The following PLEKHA2 variants were observed in gnomAD, a reference collection of about 807,000 sequenced individuals.
The protein encoded by PLEKHA2 is pleckstrin homology domain-containing family A member 2.
A neutral mutation model predicts 53.2 loss-of-function variants in PLEKHA2; 28 were observed. The observed-to-expected ratio is 0.53, with a 90% CI of 0.39 to 0.72. The LOEUF (loss-of-function observed/expected upper bound fraction) is 0.72, where lower values mean the gene tolerates loss of function less well. PLEKHA2 is among the 30% of genes least tolerant of loss of function. The pLI, the probability that PLEKHA2 is intolerant of heterozygous loss-of-function variation, is 0.00. For missense variants in PLEKHA2, 426 were observed against 537.9 expected (o/e 0.79, Z 2.06); for synonymous variants, 193 against 196.4 (o/e 0.98, Z 0.14).
intron 5 of PLEKHA2, among the ~76,000 whole-genome samples, chr8:38,948,589 G>A (rs138578791): frequency 1.3e-4 from 20 of 152,300 alleles, no homozygotes; most frequent in Middle Eastern, 3.4e-3. Context: ...TCCAGGAAGA[G>A]AAGGTCTCGT....
chr8:38,958,334 A>G (rs78886205), intron 10 of PLEKHA2, among the ~76,000 whole-genome samples: 1 of 148,256 alleles, frequency 6.7e-6, no homozygotes, highest in Non-Finnish European at 1.5e-5. Context: ...AAAAAAAGGG[A>G]AACAAAAAGA....
intron 2 of PLEKHA2, among the ~76,000 whole-genome samples, chr8:38,926,139 ATTGT>A (rs1209419129): frequency 1.3e-5 from 2 of 152,288 alleles, no homozygotes; most frequent in Admixed American, 1.3e-4. Flanking sequence ...TCTTCAGCAA[ATTGT>A]TTGGGCAAAG....
intron 8 of PLEKHA2, 147 bp from the exon 9 acceptor site, chr8:38,953,150 T>G (rs1026008565): frequency 2.8e-6 from 2 of 717,490 alleles, no homozygotes; most frequent in African/African-American, 3.5e-5. Context: ...CAGATTTTTT[T>G]TTCTCTTGCT....
chr8:38,944,285 C>T (rs577371338), intron 4 of PLEKHA2, among the ~76,000 whole-genome samples: 19 of 152,012 alleles, frequency 1.2e-4, no homozygotes, highest in Admixed American at 2.0e-4. Context: ...GAGGCCGAGG[C>T]GGGCAGATCA....
rs1834895481 is a variant in PLEKHA2, at chr8:38,954,211, AAACAACATGCTGTGTGACCCAAGGGG to A, written c.773+845_773+870del. On this transcript the variant is annotated intron_variant, in intron 9 of 11. Transcript: ENST00000617275. ...TGAAGGCACAAACAGTCTTGCATGA[AAACAACATGCTGTGTGACCCAAGGGG>A]GCAGAGACAGAAGCACTCTCCCGAG... Among the ~76,000 whole-genome samples the A allele has an allele frequency of 1.3e-5, 2 of 152,242 alleles. 1 individual carries two copies. The highest frequency in any genetic ancestry group is 4.8e-5 in the African/African-American group (2 of 41,468).
chr8:38,927,682 A>AT (rs1312240209), intron 2 of PLEKHA2, among the ~76,000 whole-genome samples: 1 of 152,178 alleles, frequency 6.6e-6, no homozygotes, highest in Non-Finnish European at 1.5e-5. Context: ...GGAAACATCC[A>AT]TTTTTTGAGC....
intron 1 of PLEKHA2, among the ~76,000 whole-genome samples, chr8:38,909,223 C>T (rs1588232593): frequency 6.6e-6 from 1 of 151,978 alleles, no homozygotes; most frequent in East Asian, 1.9e-4. Context: ...AATTCTATTG[C>T]AGTTGCCATC....
Position 38,970,376 on chromosome 8 carries a change from A to T in PLEKHA2, c.*593A>T, listed in dbSNP as rs559304629. On this transcript the variant is annotated 3_prime_UTR_variant, in exon 12 of 12. Transcript: ENST00000617275. ...TAGGATGAATTTCCATGCACTTAACATGAAGAGATACAAAAAGAATCTAGA... is the reference window on the plus strand; with the variant it reads ...TAGGATGAATTTCCATGCACTTAACTTGAAGAGATACAAAAAGAATCTAGA... 5.0e-6 allele frequency: 1 copy of T among 201,000 alleles called. No homozygotes were observed. Among genetic ancestry groups the T allele is most frequent in the Non-Finnish European group, 9.9e-6 (1 of 101,478 alleles). 12.5% of individuals were successfully genotyped at this position (201,000 alleles called of 1,614,324 possible). A position where few individuals can be genotyped will look rare whatever the true frequency, so the allele number is the denominator to read the frequency against.
chr8:38,956,936 C>T (rs1016524908), intron 9 of PLEKHA2, among the ~76,000 whole-genome samples: 12 of 151,962 alleles, frequency 7.9e-5, no homozygotes, highest in Non-Finnish European at 1.6e-4. Context: ...AAAAAGCACC[C>T]GAAACGGTGC....
intron 4 of PLEKHA2, among the ~76,000 whole-genome samples, chr8:38,945,350 A>G (rs1251132790): frequency 6.6e-6 from 1 of 152,166 alleles, no homozygotes; most frequent in Non-Finnish European, 1.5e-5. Flanking sequence ...AAATGAATGA[A>G]TGAACGGATG....
intron 10 of PLEKHA2, among the ~76,000 whole-genome samples, chr8:38,961,996 G>A (rs933883705): frequency 2.0e-5 from 3 of 152,336 alleles, no homozygotes; most frequent in African/African-American, 7.2e-5. Context: ...TCACTTTGTA[G>A]TATAAGTACT....
At position 38,959,139 on chromosome 8, in the gene PLEKHA2, T is replaced by TA. The variant is rs537599415; in HGVS notation, c.837+1764dup. Reference sequence around the variant, plus strand: ...CTGAAGTGGGTAGGGGAATACAAAATAAAAAAAAAAATGGTGTGATAAGTG... The same window carrying TA: ...CTGAAGTGGGTAGGGGAATACAAAATAAAAAAAAAAAATGGTGTGATAAGTG... On this transcript the variant is annotated intron_variant, in intron 10 of 11. Transcript: ENST00000617275. Among the ~76,000 whole-genome samples the TA allele has an allele frequency of 2.5e-3, 357 of 144,444 alleles. 1 individual carries two copies. The highest frequency in any genetic ancestry group is 8.1e-3 in the African/African-American group (320 of 39,492). The allele number at this position is 144,444 out of a possible 152,430, so 94.8% of individuals were successfully genotyped here. A position where few individuals can be genotyped will look rare whatever the true frequency, so the allele number is the denominator to read the frequency against.
At chr8:38,950,178 T>C (rs1374027128) in intron 5 of PLEKHA2, among the ~76,000 whole-genome samples, 1 of 152,116 alleles carries the variant, frequency 6.6e-6, no homozygotes, top group Non-Finnish European at 1.5e-5. Flanking sequence ...AGCAGCTGTG[T>C]GCTACCACAC....
chr8:38,937,865 G>A (rs1834525766), intron 3 of PLEKHA2, among the ~76,000 whole-genome samples: 1 of 152,194 alleles, frequency 6.6e-6, no homozygotes, highest in Admixed American at 6.5e-5. Flanking sequence ...GAGAGCGCTT[G>A]CCACCGTGTC....
intron 3 of PLEKHA2, among the ~76,000 whole-genome samples, 170 bp downstream of exon 3, chr8:38,936,220 G>C (rs889476850): frequency 1.3e-5 from 2 of 152,182 alleles, no homozygotes; most frequent in Non-Finnish European, 2.9e-5. Context: ...CTAATGGGTG[G>C]CTGTAGAGGT....
intron 2 of PLEKHA2, among the ~76,000 whole-genome samples, chr8:38,933,015 C>A (rs1441741854): frequency 6.6e-6 from 1 of 152,212 alleles, no homozygotes; most frequent in African/African-American, 2.4e-5. Context: ...GAGGGTGGAG[C>A]AGCCCTTGAG....
chr8:38,961,460 C>G (rs981428420), intron 10 of PLEKHA2, among the ~76,000 whole-genome samples: 3 of 151,968 alleles, frequency 2.0e-5, no homozygotes, highest in Admixed American at 6.5e-5. Context: ...TCTCTTGAAC[C>G]CAGGGGGCGG....
chr8:38,960,533 CAG>C lies in PLEKHA2; in HGVS notation c.837+3149_837+3150del, dbSNP rs577370483. Among the ~76,000 whole-genome samples, 317 of 151,994 alleles carry C rather than the reference CAG, an allele frequency of 2.1e-3. 3 individuals are homozygous for C. Among genetic ancestry groups the C allele is most frequent in the Middle Eastern group, 0.01 (3 of 294 alleles). On this transcript the variant is annotated intron_variant, in intron 10 of 11. Transcript: ENST00000617275. ...ATAAACTCATTATAAGTTAATAAAA[CAG>C]ATTTTGTGAAAAAAACATATTTCTA... is the stretch of plus-strand genomic sequence containing the variant.
chr8:38,929,431 A>C (rs1416229510), intron 2 of PLEKHA2, among the ~76,000 whole-genome samples: 1 of 152,140 alleles, frequency 6.6e-6, no homozygotes, highest in Non-Finnish European at 1.5e-5. Flanking sequence ...TTTACCTTTC[A>C]TTGATAATCA....
Sources: gnomAD v4.1 joint callset for allele counts (sites outside exome capture counted in the v4.1 genomes callset) on GRCh38, gnomAD v4.1.1 for gene constraint, MANE v1.5 for transcripts, NCBI Gene and HGNC (gene_info 2026-07-23, HGNC 2026-07-21) for gene names.